Variants in FLT1 observed in about 807,000 individuals in gnomAD.
FLT1 encodes fms related receptor tyrosine kinase 1.
A neutral mutation model predicts 156.3 loss-of-function variants in FLT1; 49 were observed. The ratio of observed to expected loss-of-function variants is 0.31; its 90% CI spans 0.25 to 0.40. The LOEUF (loss-of-function observed/expected upper bound fraction) is 0.40. Among genes scored for constraint, FLT1 ranks in the 10% least tolerant of loss-of-function variants. The pLI is 1.00. For missense variants in FLT1, 1,322 were observed against 1,637.2 expected (o/e 0.81, Z 3.32); for synonymous variants, 594 against 583.8 (o/e 1.02, Z -0.25).
At chr13:28,337,656 A>G (rs1035746250) in intron 17 of FLT1, among the ~76,000 whole-genome samples, 1 of 152,224 alleles carries the variant, frequency 6.6e-6, no homozygotes, top group African/African-American at 2.4e-5. Context: ...GAAAAGAGTG[A>G]TAAGAATGAT....
chr13:28,468,325 T>C, intron 1 of FLT1, among the ~76,000 whole-genome samples: 1 of 152,240 alleles, frequency 6.6e-6, no homozygotes, highest in Non-Finnish European at 1.5e-5. Flanking sequence ...CGGAGGATTG[T>C]TGTGAGGCAA....
Position 28,495,025 on chromosome 13 carries a change from G to T in FLT1, c.-182C>A. 2 of 501,526 alleles carry T rather than the reference G, an allele frequency of 4.0e-6. No homozygotes were observed. Among genetic ancestry groups the T allele is most frequent in the Non-Finnish European group, 6.8e-6 (2 of 293,484 alleles). 31.1% of individuals were successfully genotyped at this position (501,526 alleles called of 1,614,324 possible). On this transcript the variant is annotated 5_prime_UTR_variant, in exon 1 of 30. Transcript: ENST00000282397. This position sits in a 1 kb window ranked among gnomAD's most constrained non-coding sequence, Gnocchi z 4.1. ...CCTCGCCGCCAGGCGCCCGCTGGCC[G>T]CTGCACCCGAGCCCCGGAGCCCGCT...
Position 28,327,467 on chromosome 13 carries a change from T to C in FLT1, c.2791A>G (p.Asn931Asp). Reference protein sequence around the residue: ...LKSKRDLFFLNKDAALHMEPK... With the variant: ...LKSKRDLFFLDKDAALHMEPK... ...CCAACTTTTGAAATCCTTACCTTGT[T>C]GAGAAAAAATAAGTCACGTTTGCTC... Residue 931 changes from asparagine to aspartate, a missense_variant, in exon 20 of 30, where the codon AAC becomes GAC. Around this residue, in one of 3 missense-constraint regions of FLT1, gnomAD observed 991 missense variants for 1,254.8 expected, o/e 0.79. Transcript: ENST00000282397. 1 of 1,599,280 alleles carries C rather than the reference T, an allele frequency of 6.3e-7. No individual in the cohort carries two copies. Among genetic ancestry groups the C allele is most frequent in the South Asian group, 1.1e-5 (1 of 90,786 alleles).
At chr13:28,377,642 A>G (rs1453833780) in intron 14 of FLT1, among the ~76,000 whole-genome samples, 1 of 152,244 alleles carries the variant, frequency 6.6e-6, no homozygotes, top group African/African-American at 2.4e-5. Context: ...GCGCAGTGCC[A>G]GACACAAAGC....
intron 14 of FLT1, among the ~76,000 whole-genome samples, chr13:28,383,428 C>G (rs974521562): frequency 2.0e-5 from 3 of 152,154 alleles, no homozygotes; most frequent in Non-Finnish European, 4.4e-5. Flanking sequence ...CTTTGGGAGG[C>G]TGAGGCAGGC....
intron 14 of FLT1, among the ~76,000 whole-genome samples, chr13:28,383,155 T>A (rs1874147295): frequency 6.6e-6 from 1 of 152,140 alleles, no homozygotes; most frequent in South Asian, 2.1e-4. Flanking sequence ...TTATACTTAT[T>A]GGTTTAAGTC....
Position 28,300,704 on chromosome 13 carries a change from G to A in FLT1, c.*2463C>T, listed in dbSNP as rs1870479667. The A allele has an allele frequency of 2.1e-5, 5 of 232,804 alleles. No homozygotes were observed. The Admixed American group carries it at 2.8e-4, about 13-fold the overall frequency. 14.4% of individuals were successfully genotyped at this position (232,804 alleles called of 1,614,324 possible). A position where few individuals can be genotyped will look rare whatever the true frequency, so the allele number is the denominator to read the frequency against. On this transcript the variant is annotated 3_prime_UTR_variant, in exon 30 of 30. Coordinates refer to ENST00000282397, the MANE Select transcript of FLT1 (RefSeq NM_002019.4). ...AATTAACATCTCGGTGTCACTTCTTGGACTGACAAGACACAGACTTGCACA... is the reference window on the plus strand; with the variant it reads ...AATTAACATCTCGGTGTCACTTCTTAGACTGACAAGACACAGACTTGCACA...
chr13:28,414,375 G>A (rs967250721), intron 10 of FLT1, among the ~76,000 whole-genome samples: 1 of 152,076 alleles, frequency 6.6e-6, no homozygotes, highest in Non-Finnish European at 1.5e-5. Context: ...AAATTCTTTG[G>A]GAATGGATGT....
intron 14 of FLT1, among the ~76,000 whole-genome samples, chr13:28,384,190 T>C (rs1384963951): frequency 6.6e-6 from 1 of 152,098 alleles, no homozygotes; most frequent in Non-Finnish European, 1.5e-5. Context: ...TCCCAGCACT[T>C]TGGGAGGCCA....
intron 8 of FLT1, among the ~76,000 whole-genome samples, chr13:28,428,475 G>GAAA (rs66872828): frequency 1.8e-4 from 26 of 143,766 alleles, no homozygotes; most frequent in African/African-American, 6.4e-4. Context: ...TTAAGGCACA[G>GAAA]AAAAAAAAAA....
At chr13:28,387,021 T>C in intron 13 of FLT1, 1 of 1,038,530 alleles carries the variant, frequency 9.6e-7, no homozygotes, top group Middle Eastern at 4.5e-4. Flanking sequence ...TATAGCATCA[T>C]CAACACAGAC....
chr13:28,365,977 A>G lies in FLT1; in HGVS notation c.2117-8292T>C, dbSNP rs1226496772. Among the ~76,000 whole-genome samples, 6 of 152,358 alleles carry G rather than the reference A, an allele frequency of 3.9e-5. No homozygotes were observed. In the East Asian group the frequency reaches 9.6e-4, roughly 24 times the overall value. On this transcript the variant is annotated intron_variant, in intron 14 of 29. Coordinates refer to ENST00000282397, the MANE Select transcript of FLT1 (RefSeq NM_002019.4). ...GGGATAAAATAATGGAAGGGGGACT[A>G]TGTCTCTGGAGAATAGAAAGCCTGT...
chr13:28,456,066 TCTTA>T (rs1879245942), intron 3 of FLT1, among the ~76,000 whole-genome samples: 1 of 152,218 alleles, frequency 6.6e-6, no homozygotes, highest in South Asian at 2.1e-4. Flanking sequence ...TTTGGCAGTT[TCTTA>T]CAAAACTAGC....
At chr13:28,452,736 G>A (rs1879019635) in intron 3 of FLT1, among the ~76,000 whole-genome samples, 1 of 151,922 alleles carries the variant, frequency 6.6e-6, no homozygotes, top group Non-Finnish European at 1.5e-5. Context: ...TTCCCACCCA[G>A]TTCTTTATAT....
At position 28,306,633 on chromosome 13, in the gene FLT1, G is replaced by A. The variant is rs370860768; in HGVS notation, c.3815+45C>T. On this transcript the variant is annotated intron_variant, in intron 29 of 29. Coordinates refer to ENST00000282397, the MANE Select transcript of FLT1 (RefSeq NM_002019.4). ...CCACCTTCCCCCAGCATCTCCCCTC[G>A]TACCCCTCCATCAACTGATCACAGA... 2.3e-4 allele frequency: 312 copies of A among 1,336,520 alleles called. No homozygotes were observed. The South Asian group carries it at 3.1e-3, about 13-fold the overall frequency. 82.8% of individuals were successfully genotyped at this position (1,336,520 alleles called of 1,614,324 possible).
intron 7 of FLT1, 86 bp downstream of exon 7, chr13:28,431,050 A>T (rs1877648985): frequency 8.1e-7 from 1 of 1,232,688 alleles, no homozygotes; most frequent in South Asian, 1.2e-5. Flanking sequence ...CTCTTGGCCA[A>T]CAGAAAACTG....
chr13:28,376,664 C>T (rs902694897), intron 14 of FLT1, among the ~76,000 whole-genome samples: 2 of 152,190 alleles, frequency 1.3e-5, no homozygotes, highest in Non-Finnish European at 2.9e-5. Context: ...ATGTTACTTC[C>T]TTACAGTGCC....
At chr13:28,391,034 G>C (rs1874681456) in intron 12 of FLT1, among the ~76,000 whole-genome samples, 1 of 152,100 alleles carries the variant, frequency 6.6e-6, no homozygotes, top group Admixed American at 6.6e-5. Context: ...GACTTACTCA[G>C]GACTTCTTTT....
At chr13:28,414,006 G>A (rs150308241) in intron 10 of FLT1, among the ~76,000 whole-genome samples, 2 of 152,270 alleles carry the variant, frequency 1.3e-5, no homozygotes, top group African/African-American at 4.8e-5. Context: ...TTTGTCCTTA[G>A]ATCACACCAG....
Sources: allele counts gnomAD v4.1 joint callset (sites outside exome capture counted in the v4.1 genomes callset), GRCh38; gene constraint gnomAD v4.1.1; regional missense constraint gnomAD v4.1.1; non-coding constraint Gnocchi (gnomAD v3.1); transcripts MANE v1.5; gene names NCBI Gene and HGNC (gene_info 2026-07-23, HGNC 2026-07-21).